The following RASSF8 variants were observed in gnomAD, a reference collection of about 807,000 sequenced individuals.
RASSF8 encodes ras association domain-containing protein 8.
A neutral mutation model predicts 48.5 loss-of-function variants in RASSF8; 22 were observed. That is an observed-to-expected ratio of 0.45 (90% CI 0.32 to 0.65). The LOEUF is 0.65. Ranked by LOEUF, RASSF8 falls within the 30% of genes least tolerant of loss-of-function variation. The pLI, the probability that RASSF8 is intolerant of heterozygous loss-of-function variation, is 0.03. For missense variants in RASSF8, 418 were observed against 489.2 expected, an observed-to-expected ratio of 0.85 and a Z score of 1.37; for synonymous variants, 127 against 171.5, an observed-to-expected ratio of 0.74 and a Z score of 2.03.
chr12:26,030,783 A>G (rs1365770104), intron 2 of RASSF8, among the ~76,000 whole-genome samples: 2 of 151,878 alleles, frequency 1.3e-5, no homozygotes, highest in South Asian at 2.1e-4. Flanking sequence ...CCTCACCCAT[A>G]CTGTACCAGA....
At chr12:25,963,961 C>T (rs1481472765) in intron 1 of RASSF8, among the ~76,000 whole-genome samples, 8 of 152,222 alleles carry the variant, frequency 5.3e-5, no homozygotes, top group Non-Finnish European at 1.0e-4. Flanking sequence ...AGAGATGCCC[C>T]TGCAAGCCAG....
intron 2 of RASSF8, among the ~76,000 whole-genome samples, chr12:26,025,112 T>C (rs1302516442): frequency 6.6e-6 from 1 of 152,240 alleles, no homozygotes; most frequent in Non-Finnish European, 1.5e-5. Context: ...TTTGTCAACC[T>C]GATGAATGGC....
chr12:26,024,321 T>G (rs1224106163), intron 2 of RASSF8, among the ~76,000 whole-genome samples: 1 of 152,084 alleles, frequency 6.6e-6, no homozygotes, highest in Non-Finnish European at 1.5e-5. Flanking sequence ...TTTCTGTATC[T>G]CATTGGAATA....
chr12:26,057,607 T>C (rs1212187469), intron 3 of RASSF8, among the ~76,000 whole-genome samples: 2 of 152,232 alleles, frequency 1.3e-5, no homozygotes, highest in East Asian at 1.9e-4. Flanking sequence ...TGTGTCTTTA[T>C]AGCAGCGTGA....
At chr12:26,052,558 G>A (rs1282335863) in intron 2 of RASSF8, 2 of 152,098 alleles carry the variant, frequency 1.3e-5, no homozygotes, top group Non-Finnish European at 2.9e-5. Flanking sequence ...TGCTTCCTAG[G>A]TCTTTAGTCT....
intron 1 of RASSF8, among the ~76,000 whole-genome samples, chr12:25,976,351 A>T (rs1471116060): frequency 6.6e-6 from 1 of 152,202 alleles, no homozygotes; most frequent in Non-Finnish European, 1.5e-5. Context: ...CAACTTTGTA[A>T]CTTCATTCCA....
downstream of RASSF8, among the ~76,000 whole-genome samples, chr12:26,075,736 A>G (rs1944066017): frequency 6.6e-6 from 1 of 152,232 alleles, no homozygotes; most frequent in African/African-American, 2.4e-5. Flanking sequence ...CTTAGTAACA[A>G]AATATTTTTA....
chr12:26,042,186 G>T (rs1943279483), intron 2 of RASSF8, among the ~76,000 whole-genome samples: 1 of 152,208 alleles, frequency 6.6e-6, no homozygotes, highest in African/African-American at 2.4e-5. Flanking sequence ...CACATTTGAA[G>T]GAAGGGTTAG....
At position 26,070,236 on chromosome 12, in the gene RASSF8, TAACA is replaced by T; in HGVS notation, c.*1420_*1423del. 1 of 977,078 alleles carries T rather than the reference TAACA, an allele frequency of 1.0e-6. No homozygotes were observed. 60.5% of individuals were successfully genotyped at this position (977,078 alleles called of 1,614,324 possible). ...GTGGATTAATATAGTAATGCCATGG[TAACA>T]ATAGAGCTATGTCTTATGCATGAAG... is the stretch of plus-strand genomic sequence containing the variant. On this transcript the variant is annotated 3_prime_UTR_variant, in exon 6 of 6. Transcript: ENST00000689635.
Position 25,973,204 on chromosome 12 carries a change from ATT to A in RASSF8, c.-203+14069_-203+14070del, listed in dbSNP as rs11344037. ...ATTCTGTAATCATAAAAAGATCGCT[ATT>A]TTTTTTTTTTTTAGAAGCAAAGGCT... is the stretch of plus-strand genomic sequence containing the variant. On this transcript the variant is annotated intron_variant, in intron 1 of 5. Coordinates refer to ENST00000689635, the MANE Select transcript of RASSF8 (RefSeq NM_001394098.1). 4.1e-4 allele frequency among the ~76,000 whole-genome samples: 60 copies of A among 145,356 alleles called. 1 individual carries two copies. The highest frequency in any genetic ancestry group is 3.6e-3 in the Middle Eastern group (1 of 274).
intron 1 of RASSF8, among the ~76,000 whole-genome samples, chr12:25,974,497 C>CTT (rs5797154): frequency 1.4e-5 from 2 of 146,734 alleles, no homozygotes; most frequent in African/African-American, 5.1e-5. Flanking sequence ...ACTAAAATAC[C>CTT]TTTTTTTTTT....
chr12:26,010,099 G>C (rs1310748243), intron 2 of RASSF8, among the ~76,000 whole-genome samples: 1 of 152,214 alleles, frequency 6.6e-6, no homozygotes, highest in Admixed American at 6.5e-5. Context: ...CCCCCCACGT[G>C]CCATGGCCCA....
chr12:26,075,767 C>T (rs1326342342), downstream of RASSF8, among the ~76,000 whole-genome samples: 1 of 152,116 alleles, frequency 6.6e-6, no homozygotes, highest in Non-Finnish European at 1.5e-5. Flanking sequence ...AAATCATAGG[C>T]ACTTTAAACA....
intron 1 of RASSF8, among the ~76,000 whole-genome samples, chr12:25,978,867 T>G (rs1320076926): frequency 1.3e-5 from 2 of 152,098 alleles, no homozygotes; most frequent in Non-Finnish European, 2.9e-5. Context: ...GATTTCATTA[T>G]GGTAATAGGG....
At chr12:26,015,231 G>T (rs1942620505) in intron 2 of RASSF8, among the ~76,000 whole-genome samples, 1 of 151,442 alleles carries the variant, frequency 6.6e-6, no homozygotes, top group Non-Finnish European at 1.5e-5. Context: ...ATCCATATAT[G>T]GTCAAAAGGT....
intron 1 of RASSF8, among the ~76,000 whole-genome samples, chr12:25,965,229 C>T (rs1233172915): frequency 6.6e-6 from 1 of 152,194 alleles, no homozygotes; most frequent in Non-Finnish European, 1.5e-5. Flanking sequence ...GCATGAGCCA[C>T]CGTGCCCAGC....
intron 2 of RASSF8, among the ~76,000 whole-genome samples, chr12:26,050,565 T>C (rs887384818): frequency 1.3e-5 from 2 of 152,230 alleles, no homozygotes; most frequent in Non-Finnish European, 2.9e-5. Flanking sequence ...TTTCCACTAA[T>C]CAACATTGTC....
intron 3 of RASSF8, among the ~76,000 whole-genome samples, chr12:26,058,203 G>A (rs1353614005): frequency 6.6e-6 from 1 of 152,148 alleles, no homozygotes. Flanking sequence ...CTCCAAACTT[G>A]GCCAAACAAC....
intron 1 of RASSF8, chr12:25,959,847 T>C (rs956626537): frequency 1.3e-5 from 2 of 152,208 alleles, no homozygotes; most frequent in Non-Finnish European, 1.5e-5. Context: ...TTTAGCATCA[T>C]AGAGCCGCCT....
Sources: allele counts gnomAD v4.1 joint callset (sites outside exome capture counted in the v4.1 genomes callset), GRCh38; gene constraint gnomAD v4.1.1; transcripts MANE v1.5; gene names NCBI Gene and HGNC (gene_info 2026-07-23, HGNC 2026-07-21).